NFASC: variants seen among roughly 807,000 people sequenced by gnomAD.
The protein encoded by NFASC is neurofascin homolog.
In NFASC, 43 loss-of-function variants were observed where a neutral mutation model predicts 147.5. That is an observed-to-expected ratio of 0.29 (90% CI 0.23 to 0.38). The LOEUF is 0.38. Ranked by LOEUF, NFASC falls within the 10% of genes least tolerant of loss-of-function variation. NFASC has a pLI of 1.00. For missense variants in NFASC, 1,320 were observed against 1,689.0 expected (o/e 0.78, Z 3.83); for synonymous variants, 622 against 665.5 (o/e 0.93, Z 1.01).
intron 3 of NFASC, among the ~76,000 whole-genome samples, chr1:204,947,964 T>A (rs1433375945): frequency 1.3e-5 from 2 of 151,662 alleles, no homozygotes; most frequent in Non-Finnish European, 2.9e-5. Flanking sequence ...ATGCTCACAC[T>A]CATGCACACT....
chr1:205,022,664 C>T lies in NFASC; in HGVS notation c.*6125C>T, dbSNP rs1181726981. 6.6e-6 allele frequency: 1 copy of T among 152,648 alleles called. No homozygotes were observed. Among genetic ancestry groups the T allele is most frequent in the East Asian group, 1.9e-4 (1 of 5,200 alleles). 9.5% of individuals were successfully genotyped at this position (152,648 alleles called of 1,614,324 possible). ...ACACGACCTTCAGCAGGGAAGACTT[C>T]TGGGCCATGGAGGGCCGTCTAATAC... is the stretch of plus-strand genomic sequence containing the variant. On this transcript the variant is annotated 3_prime_UTR_variant, in exon 30 of 30. Coordinates refer to ENST00000339876, the MANE Select transcript of NFASC (RefSeq NM_001005388.3).
rs7524239 is a variant in NFASC, at chr1:205,019,854, T to C, written c.*3315T>C. On this transcript the variant is annotated 3_prime_UTR_variant, in exon 30 of 30. Transcript: ENST00000339876. The stretch of plus-strand genomic sequence containing the variant: ...CTGTCTGTATTTTTATGCCTCTGTC[T>C]CCCATTCAGTTCCTCCTTGAATACC... 0.058 allele frequency: 8,819 copies of C among 152,274 alleles called. 322 individuals are homozygous for C. Among genetic ancestry groups the C allele is most frequent in the South Asian group, 0.1 (485 of 4,820 alleles). The allele number at this position is 152,274 out of a possible 1,614,324, so 9.4% of individuals were successfully genotyped here. A position where few individuals can be genotyped will look rare whatever the true frequency, so the allele number is the denominator to read the frequency against.
intron 2 of NFASC, among the ~76,000 whole-genome samples, chr1:204,930,284 A>G (rs1314206408): frequency 6.6e-6 from 1 of 152,114 alleles, no homozygotes; most frequent in East Asian, 1.9e-4. Context: ...AGAAAGAAAG[A>G]TGAGCATGTC....
intron 23 of NFASC, 103 bp downstream of exon 23, chr1:204,988,909 T>A: frequency 1.7e-6 from 2 of 1,153,164 alleles, no homozygotes; most frequent in Non-Finnish European, 2.6e-6. Flanking sequence ...GGAGAGGAAA[T>A]GAGACTTGCA....
chr1:204,975,137 A>G lies in NFASC; in HGVS notation c.1559-134A>G, dbSNP rs1452038837. The G allele has an allele frequency of 2.1e-6, 2 of 965,762 alleles. No homozygotes were observed. Among genetic ancestry groups the G allele is most frequent in the Non-Finnish European group, 3.1e-6 (2 of 653,426 alleles). The allele number at this position is 965,762 out of a possible 1,614,324, so 59.8% of individuals were successfully genotyped here. A position where few individuals can be genotyped will look rare whatever the true frequency, so the allele number is the denominator to read the frequency against. On this transcript the variant is annotated intron_variant, in intron 14 of 29. Transcript: ENST00000339876. This position sits in a 1 kb window ranked among gnomAD's most constrained non-coding sequence, Gnocchi z 4.0. Reference sequence around the variant, plus strand: ...CCACCCAGAACTCTGCTCCGTTCATACCATAGCATACTGTTTGTGCCCCAC... The same window carrying G: ...CCACCCAGAACTCTGCTCCGTTCATGCCATAGCATACTGTTTGTGCCCCAC...
intron 1 of NFASC, among the ~76,000 whole-genome samples, chr1:204,856,519 A>G (rs537498656): frequency 2.0e-5 from 3 of 152,226 alleles, no homozygotes; most frequent in South Asian, 4.2e-4. Flanking sequence ...TATTGAGGTA[A>G]AATTTGCATG....
chr1:204,831,062 T>C (rs1354717523), intron 1 of NFASC, among the ~76,000 whole-genome samples: 4 of 152,060 alleles, frequency 2.6e-5, no homozygotes, highest in Non-Finnish European at 5.9e-5. Flanking sequence ...GCTGCCAGCT[T>C]TTCCTGGTAC....
In NFASC at chr1:204,954,983, A is replaced by G. The variant is rs556976652; in HGVS notation, c.535+32A>G. 12 of 1,604,616 alleles carry G rather than the reference A, an allele frequency of 7.5e-6. No homozygotes were observed. The African/African-American group carries it at 1.5e-4, about 20-fold the overall frequency. On this transcript the variant is annotated intron_variant, in intron 7 of 29. Transcript: ENST00000339876. The surrounding 1 kb of genome is among the most constrained non-coding windows in gnomAD (Gnocchi z 5.7). ...CTTGGGGGCCTGGTGTTGTGTTTAT[A>G]TCTTAACCTTAGGGGGTGGGGTGGG... is the stretch of plus-strand genomic sequence containing the variant.
At chr1:204,977,027 A>C in intron 16 of NFASC, 3 of 1,299,582 alleles carry the variant, frequency 2.3e-6, no homozygotes, top group African/African-American at 1.5e-5. Context: ...CCACGTCTCA[A>C]CTGAAAGGGG....
chr1:204,859,363 C>G (rs1471878025), intron 1 of NFASC, among the ~76,000 whole-genome samples: 2 of 152,242 alleles, frequency 1.3e-5, no homozygotes, highest in Non-Finnish European at 2.9e-5. Context: ...ATCCTTGGGA[C>G]TGCTCATCAT....
At chr1:204,959,072 T>TA (rs2094547728) in intron 8 of NFASC, among the ~76,000 whole-genome samples, 2 of 151,696 alleles carry the variant, frequency 1.3e-5, no homozygotes, top group African/African-American at 4.8e-5. Flanking sequence ...TTTTTTTTTT[T>TA]CTTTCACCTT....
At chr1:204,908,671 T>G (rs1003612173) in intron 1 of NFASC, among the ~76,000 whole-genome samples, 1 of 152,158 alleles carries the variant, frequency 6.6e-6, no homozygotes, top group African/African-American at 2.4e-5. Flanking sequence ...TCCCTCATGT[T>G]GCCCTTTTAT....
intron 2 of NFASC, among the ~76,000 whole-genome samples, chr1:204,922,585 A>G: frequency 6.6e-6 from 1 of 152,278 alleles, no homozygotes; most frequent in East Asian, 1.9e-4. Context: ...GCTCTCTGAG[A>G]AGTTATTTCC....
intron 1 of NFASC, among the ~76,000 whole-genome samples, chr1:204,888,252 G>A (rs148228533): frequency 6.6e-6 from 1 of 152,248 alleles, no homozygotes; most frequent in Non-Finnish European, 1.5e-5. Flanking sequence ...GCAGAACCAA[G>A]TCTGGAACCA....
At chr1:204,889,334 G>C (rs2081947154) in intron 1 of NFASC, among the ~76,000 whole-genome samples, 1 of 152,132 alleles carries the variant, frequency 6.6e-6, no homozygotes, top group Admixed American at 6.5e-5. Flanking sequence ...AACTTTCCCA[G>C]GATCAGTTAA....
chr1:204,975,220 G>T lies in NFASC; in HGVS notation c.1559-51G>T. The stretch of plus-strand genomic sequence containing the variant: ...ATATGCCACTTTGTGGCCGCATGGG[G>T]ATGCTGGGCAGAGAACAGGCCAGTG... On this transcript the variant is annotated intron_variant, in intron 14 of 29. Transcript: ENST00000339876. The surrounding 1 kb of genome is among the most constrained non-coding windows in gnomAD (Gnocchi z 4.0). The T allele has an allele frequency of 6.4e-7, 1 of 1,557,648 alleles. No individual in the cohort carries two copies. The highest frequency in any genetic ancestry group is 8.7e-7 in the Non-Finnish European group (1 of 1,150,614).
At chr1:204,908,182 A>ATGT (rs773329896) in intron 1 of NFASC, among the ~76,000 whole-genome samples, 1 of 152,104 alleles carries the variant, frequency 6.6e-6, no homozygotes, top group Non-Finnish European at 1.5e-5. Flanking sequence ...GGGTTTCACC[A>ATGT]TGTTGTCTAG....
chr1:204,963,240 T>C (rs2094776475), intron 8 of NFASC, among the ~76,000 whole-genome samples: 1 of 152,196 alleles, frequency 6.6e-6, no homozygotes, highest in Non-Finnish European at 1.5e-5. Context: ...GCCAAAGAGA[T>C]TCACTACCCA....
chr1:204,936,535 C>T (rs1357417787), intron 2 of NFASC, among the ~76,000 whole-genome samples: 1 of 152,134 alleles, frequency 6.6e-6, no homozygotes, highest in Non-Finnish European at 1.5e-5. Flanking sequence ...TAGCTCTGTC[C>T]TCACCCCTCT....
Sources: allele counts gnomAD v4.1 joint callset (sites outside exome capture counted in the v4.1 genomes callset), GRCh38; gene constraint gnomAD v4.1.1; non-coding constraint Gnocchi (gnomAD v3.1); transcripts MANE v1.5; gene names NCBI Gene and HGNC (gene_info 2026-07-23, HGNC 2026-07-21).